The following FSTL4 variants were observed in gnomAD, a reference collection of about 807,000 sequenced individuals.
The protein encoded by FSTL4 is follistatin like 4, also known as follistatin-related protein 4.
Under a neutral mutation model 78.2 loss-of-function variants are expected in FSTL4, and 28 were observed. That is an observed-to-expected ratio of 0.36 (90% confidence interval 0.27 to 0.49). FSTL4 has a LOEUF of 0.49. FSTL4 is among the 20% of genes least tolerant of loss of function. The pLI, the probability that FSTL4 is intolerant of heterozygous loss-of-function variation, is 0.98. For missense variants in FSTL4, 922 were observed against 1,084.9 expected (o/e 0.85, Z 2.11); for synonymous variants, 422 against 440.5 (o/e 0.96, Z 0.53).
At chr5:133,625,936 CAT>C in the FSTL4 span, among the ~76,000 whole-genome samples, 2 of 260 alleles carry the variant, frequency 7.7e-3, 1 homozygote, top group Non-Finnish European at 0.014. Context: ...ATATATATTC[CAT>C]ATATATATAT....
intron 4 of FSTL4, among the ~76,000 whole-genome samples, chr5:133,326,853 C>T (rs1468145131): frequency 6.6e-6 from 1 of 152,230 alleles, no homozygotes; most frequent in Non-Finnish European, 1.5e-5. Flanking sequence ...ACACTGCTAA[C>T]AGGGACCTAC....
intron 3 of FSTL4, among the ~76,000 whole-genome samples, chr5:133,468,050 G>A (rs1757749755): frequency 6.6e-6 from 1 of 152,202 alleles, no homozygotes; most frequent in Admixed American, 6.5e-5. Flanking sequence ...CCTCTCACAG[G>A]CAGGAGCCTC....
chr5:133,652,830 T>C, the FSTL4 span, among the ~76,000 whole-genome samples: 1 of 152,142 alleles, frequency 6.6e-6, no homozygotes, highest in East Asian at 1.9e-4. Context: ...ATGTATTAAA[T>C]AAACAAAAAT....
At chr5:133,721,978 T>A in the FSTL4 span, among the ~76,000 whole-genome samples, 307 of 152,280 alleles carry the variant, frequency 2.0e-3, no homozygotes, top group African/African-American at 6.8e-3. Flanking sequence ...TCATTCTTTT[T>A]TCTTCTCTGA....
the FSTL4 span, among the ~76,000 whole-genome samples, chr5:133,617,778 T>C: frequency 6.6e-6 from 1 of 152,166 alleles, no homozygotes; most frequent in Non-Finnish European, 1.5e-5. Context: ...GAGTGGTGAC[T>C]TTTCAAGAGG....
At chr5:133,445,154 G>A (rs907561113) in intron 3 of FSTL4, among the ~76,000 whole-genome samples, 4 of 152,274 alleles carry the variant, frequency 2.6e-5, no homozygotes, top group Non-Finnish European at 5.9e-5. Context: ...TCAAGCGAAA[G>A]AGCAAGTCTG....
At chr5:133,793,353 G>C in the FSTL4 span, among the ~76,000 whole-genome samples, 1 of 152,256 alleles carries the variant, frequency 6.6e-6, no homozygotes, top group Non-Finnish European at 1.5e-5. Flanking sequence ...CTGGGGCTTA[G>C]AGCTGGTGCA....
the FSTL4 span, among the ~76,000 whole-genome samples, chr5:133,701,055 G>A: frequency 6.6e-6 from 1 of 152,238 alleles, no homozygotes; most frequent in South Asian, 2.1e-4. Flanking sequence ...TTTGACAACT[G>A]TCCAGGGTTG....
chr5:133,829,587 G>A, the FSTL4 span, among the ~76,000 whole-genome samples: 1 of 152,312 alleles, frequency 6.6e-6, no homozygotes, highest in Non-Finnish European at 1.5e-5. Flanking sequence ...CAGGCTGACA[G>A]GTGCTTTCCT....
chr5:133,407,922 A>C (rs10055653), intron 3 of FSTL4, among the ~76,000 whole-genome samples: 5,232 of 152,320 alleles, frequency 0.034, 282 homozygotes, highest in African/African-American at 0.12. Context: ...ACGCTGATTC[A>C]GAGGAGGACT....
intron 4 of FSTL4, among the ~76,000 whole-genome samples, chr5:133,330,780 A>AG (rs1491238799): frequency 4.6e-5 from 7 of 152,192 alleles, no homozygotes; most frequent in Non-Finnish European, 7.4e-5. Context: ...TAGGTCTGAC[A>AG]GGGGGTAAAG....
the FSTL4 span, among the ~76,000 whole-genome samples, chr5:133,692,488 G>C: frequency 6.6e-6 from 1 of 152,202 alleles, no homozygotes; most frequent in African/African-American, 2.4e-5. Flanking sequence ...AGAAAGGGCA[G>C]TGGCCTGGGC....
chr5:133,408,599 G>T (rs1322334546), intron 3 of FSTL4, among the ~76,000 whole-genome samples: 1 of 151,940 alleles, frequency 6.6e-6, no homozygotes, highest in East Asian at 1.9e-4. Flanking sequence ...GGGGTAGGGG[G>T]AGTGCTGCAA....
rs557582515 is a variant in FSTL4 at position 133,265,588 on chromosome 5, G to A, written c.728-16012C>T. Among the ~76,000 whole-genome samples, 17 of 152,338 alleles carry A rather than the reference G, an allele frequency of 1.1e-4. No individual in the cohort carries two copies. In the South Asian group the frequency reaches 3.3e-3, roughly 30 times the overall value. ...AATTTCAATGATCACAAAGGTAGGG[G>A]TGAAACTAAACGTTTGAAAAAGTAT... On this transcript the variant is annotated intron_variant, in intron 6 of 15. Transcript: ENST00000265342.
intron 4 of FSTL4, among the ~76,000 whole-genome samples, chr5:133,381,990 T>C (rs1755585504): frequency 6.6e-6 from 1 of 152,216 alleles, no homozygotes; most frequent in Admixed American, 6.5e-5. Flanking sequence ...AGTGAATGTG[T>C]GTCAATTCCA....
At chr5:133,348,610 A>G (rs988426935) in intron 4 of FSTL4, among the ~76,000 whole-genome samples, 1 of 152,222 alleles carries the variant, frequency 6.6e-6, no homozygotes, top group Non-Finnish European at 1.5e-5. Flanking sequence ...AGGAGTGCTC[A>G]CGGAGGTGAC....
the FSTL4 span, among the ~76,000 whole-genome samples, chr5:133,733,785 G>A: frequency 1.3e-5 from 2 of 152,228 alleles, no homozygotes; most frequent in Non-Finnish European, 2.9e-5. Flanking sequence ...CTGAGTCACA[G>A]TGGCTTGGGT....
the FSTL4 span, among the ~76,000 whole-genome samples, chr5:133,628,366 C>T: frequency 0.13 from 16,827 of 134,014 alleles, 1,246 homozygotes; most frequent in African/African-American, 0.26. Flanking sequence ...CTTTTCTTTT[C>T]TTTTTTTTTT....
the FSTL4 span, among the ~76,000 whole-genome samples, chr5:133,736,029 G>A: frequency 6.6e-6 from 1 of 152,196 alleles, no homozygotes; most frequent in Non-Finnish European, 1.5e-5. Flanking sequence ...CCCTGGCATG[G>A]ATGCTATCAG....
Sources: allele counts gnomAD v4.1 joint callset (sites outside exome capture counted in the v4.1 genomes callset), GRCh38; gene constraint gnomAD v4.1.1; transcripts MANE v1.5; gene names NCBI Gene and HGNC (gene_info 2026-07-23, HGNC 2026-07-21).